ARHGAP32: variants seen among roughly 807,000 people sequenced by gnomAD.
ARHGAP32 encodes Rho GTPase activating protein 32, also known as rho GTPase-activating protein 32.
In ARHGAP32, 51 loss-of-function variants were observed where a neutral mutation model predicts 186.5. The ratio of observed to expected loss-of-function variants is 0.27; its 90% CI spans 0.22 to 0.35. ARHGAP32 has a LOEUF of 0.35. Among genes scored for constraint, ARHGAP32 ranks in the 10% least tolerant of loss-of-function variants. The probability of loss-of-function intolerance (pLI) is 1.00; values close to 1 mark genes in which losing one functional copy is unlikely to be tolerated. For synonymous variants in ARHGAP32, 950 were observed against 964.3 expected (o/e 0.99, Z 0.27); for missense variants, 2,186 against 2,623.5 (o/e 0.83, Z 3.64).
chr11:129,267,993 G>T (rs1945426371), intron 1 of ARHGAP32, among the ~76,000 whole-genome samples: 1 of 152,086 alleles, frequency 6.6e-6, no homozygotes, highest in African/African-American at 2.4e-5. Flanking sequence ...AGACAGGAAG[G>T]CTCCACTCTC....
intron 1 of ARHGAP32, among the ~76,000 whole-genome samples, chr11:129,252,652 C>A (rs753660318): frequency 1.5e-4 from 23 of 152,114 alleles, no homozygotes; most frequent in Admixed American, 5.2e-4. Context: ...AATTTTGCTA[C>A]GTGAATTTGC....
At chr11:129,180,689 C>A (rs761204027) in intron 1 of ARHGAP32, among the ~76,000 whole-genome samples, 3 of 152,058 alleles carry the variant, frequency 2.0e-5, no homozygotes, top group African/African-American at 7.2e-5. Flanking sequence ...ATTGTAGTTT[C>A]ATATCTAACA....
chr11:129,200,948 T>C (rs1944449354), intron 1 of ARHGAP32, among the ~76,000 whole-genome samples: 1 of 152,044 alleles, frequency 6.6e-6, no homozygotes. Flanking sequence ...TAAAAGAGAG[T>C]GCTAATCTAA....
At chr11:129,133,763 A>G (rs1942873275) in intron 2 of ARHGAP32, among the ~76,000 whole-genome samples, 2 of 152,230 alleles carry the variant, frequency 1.3e-5, no homozygotes, top group Admixed American at 1.3e-4. Context: ...ATGCTAAAAG[A>G]AGCTCTTCAG....
intron 2 of ARHGAP32, among the ~76,000 whole-genome samples, chr11:129,138,587 G>A (rs1039867555): frequency 1.1e-4 from 17 of 152,060 alleles, no homozygotes; most frequent in African/African-American, 3.9e-4. Flanking sequence ...CATATTCAAA[G>A]TGCTAATATT....
rs1945198395 is a variant in ARHGAP32 at position 128,965,347 on chromosome 11, C to G, written c.*3560G>C. 1.3e-5 allele frequency: 2 copies of G among 151,992 alleles called. 1 individual carries two copies. Among genetic ancestry groups the G allele is most frequent in the South Asian group, 4.2e-4 (2 of 4,816 alleles). 9.4% of individuals were successfully genotyped at this position (151,992 alleles called of 1,614,324 possible). A position where few individuals can be genotyped will look rare whatever the true frequency, so the allele number is the denominator to read the frequency against. The stretch of plus-strand genomic sequence containing the variant: ...AGCTTATATGCATTAACAATTTACA[C>G]CAGTTCACAAAAATATTAAGACATA... On this transcript the variant is annotated 3_prime_UTR_variant, in exon 23 of 23. Transcript: ENST00000682385.
intron 11 of ARHGAP32, among the ~76,000 whole-genome samples, chr11:129,000,949 T>A (rs1476129446): frequency 6.6e-6 from 1 of 152,220 alleles, no homozygotes; most frequent in Non-Finnish European, 1.5e-5. Flanking sequence ...TTGTTGCAAA[T>A]GACTGAATCT....
At chr11:129,026,903 T>C (rs997541464) in intron 11 of ARHGAP32, among the ~76,000 whole-genome samples, 25 of 148,812 alleles carry the variant, frequency 1.7e-4, no homozygotes, top group African/African-American at 5.9e-4. Flanking sequence ...ATCGAGACCA[T>C]CCTGGCTAAC....
At chr11:129,213,491 T>A (rs1181445024) in intron 1 of ARHGAP32, among the ~76,000 whole-genome samples, 7 of 152,068 alleles carry the variant, frequency 4.6e-5, no homozygotes, top group Non-Finnish European at 8.8e-5. Context: ...GATACATGAG[T>A]CCAAGATGTC....
At chr11:129,227,575 G>A (rs575033262) in intron 1 of ARHGAP32, among the ~76,000 whole-genome samples, 1 of 151,680 alleles carries the variant, frequency 6.6e-6, no homozygotes, top group South Asian at 2.1e-4. Context: ...TGAAAGGATG[G>A]AAAAGCTATT....
chr11:129,267,943 G>C (rs1429571724), intron 1 of ARHGAP32, among the ~76,000 whole-genome samples: 1 of 152,080 alleles, frequency 6.6e-6, no homozygotes, highest in Non-Finnish European at 1.5e-5. Flanking sequence ...CGGAGGGACA[G>C]CTCGCTCACT....
In ARHGAP32 at chr11:129,141,904, T is replaced by C. The variant is rs1284747352; in HGVS notation, c.226-17010A>G. On this transcript the variant is annotated intron_variant, in intron 2 of 22. Coordinates refer to ENST00000682385, the MANE Select transcript of ARHGAP32 (RefSeq NM_001378024.1). ...AAGAGAAAGTCACAAGCTAGCTTCT[T>C]CCTCCTCTGCGTATTACTTACAGCA... Among the ~76,000 whole-genome samples the C allele has an allele frequency of 2.0e-5, 3 of 152,060 alleles. No homozygotes were observed. In the East Asian group the frequency reaches 5.8e-4, roughly 29 times the overall value.
chr11:129,102,059 CTT>C (rs1941915373), intron 5 of ARHGAP32, among the ~76,000 whole-genome samples: 1 of 152,126 alleles, frequency 6.6e-6, no homozygotes, highest in African/African-American at 2.4e-5. Flanking sequence ...ATTCAACACT[CTT>C]AAAAAAATTC....
chr11:129,087,287 C>T (rs980341467), intron 6 of ARHGAP32, among the ~76,000 whole-genome samples: 5 of 152,210 alleles, frequency 3.3e-5, no homozygotes, highest in East Asian at 1.9e-4. Flanking sequence ...CAGAAACCTG[C>T]GTGCAAATGT....
intron 6 of ARHGAP32, among the ~76,000 whole-genome samples, chr11:129,085,029 T>C (rs494118): frequency 2.9e-5 from 4 of 137,930 alleles, no homozygotes; most frequent in Non-Finnish European, 6.2e-5. Flanking sequence ...GGTTTTATTA[T>C]TTTTTTTTTT....
At position 128,966,203 on chromosome 11, in the gene ARHGAP32, T is replaced by C. The variant is rs1184811690; in HGVS notation, c.*2704A>G. On this transcript the variant is annotated 3_prime_UTR_variant, in exon 23 of 23. Transcript: ENST00000682385. ...GGAGGCATGGCTATGAAAATGTCAATAGGATTAAATCACGGGTTTAATGTA... is the reference window on the plus strand; with the variant it reads ...GGAGGCATGGCTATGAAAATGTCAACAGGATTAAATCACGGGTTTAATGTA... The C allele has an allele frequency of 1.3e-5, 2 of 152,202 alleles. No individual in the cohort carries two copies. The highest frequency in any genetic ancestry group is 2.9e-5 in the Non-Finnish European group (2 of 68,034). 9.4% of individuals were successfully genotyped at this position (152,202 alleles called of 1,614,324 possible).
intron 20 of ARHGAP32, among the ~76,000 whole-genome samples, chr11:128,975,608 G>C (rs756026958): frequency 2.6e-5 from 4 of 152,040 alleles, no homozygotes; most frequent in African/African-American, 7.2e-5. Context: ...TTCCCAAGCA[G>C]TCTTCAAGAG....
At chr11:129,170,643 G>C (rs1943740284) in intron 1 of ARHGAP32, among the ~76,000 whole-genome samples, 1 of 152,178 alleles carries the variant, frequency 6.6e-6, no homozygotes, top group Non-Finnish European at 1.5e-5. Flanking sequence ...ATAAACATAT[G>C]TGTGCAAGTG....
intron 1 of ARHGAP32, among the ~76,000 whole-genome samples, chr11:129,189,473 T>A (rs1193775819): frequency 6.6e-6 from 1 of 152,210 alleles, no homozygotes; most frequent in Non-Finnish European, 1.5e-5. Flanking sequence ...CTTGATAGAA[T>A]TAAAACATTT....
Sources: gnomAD v4.1 joint callset for allele counts (sites outside exome capture counted in the v4.1 genomes callset) on GRCh38, gnomAD v4.1.1 for gene constraint, MANE v1.5 for transcripts, NCBI Gene and HGNC (gene_info 2026-07-23, HGNC 2026-07-21) for gene names.